RABGAP1L: variants seen among roughly 807,000 people sequenced by gnomAD.
RABGAP1L encodes rab GTPase-activating protein 1-like.
A neutral mutation model predicts 137.7 loss-of-function variants in RABGAP1L; 63 were observed. The observed-to-expected ratio is 0.46, with a 90% confidence interval of 0.37 to 0.56. The LOEUF (loss-of-function observed/expected upper bound fraction) is 0.56, where lower values mean the gene tolerates loss of function less well. RABGAP1L is among the 20% of genes least tolerant of loss of function. The pLI is 0.00. For synonymous variants in RABGAP1L, 431 were observed against 433.7 expected (o/e 0.99, Z 0.08); for missense variants, 1,095 against 1,244.0 (o/e 0.88, Z 1.80).
chr1:174,860,057 G>A (rs1176688938), intron 19 of RABGAP1L, among the ~76,000 whole-genome samples: 1 of 143,932 alleles, frequency 6.9e-6, no homozygotes, highest in Non-Finnish European at 1.5e-5. Context: ...ATGATTACAT[G>A]ATCACAATCC....
chr1:174,612,961 G>C (rs1375477997), intron 13 of RABGAP1L, among the ~76,000 whole-genome samples: 1 of 150,992 alleles, frequency 6.6e-6, no homozygotes, highest in Non-Finnish European at 1.5e-5. Context: ...TTCTTTATTA[G>C]TCTTGCTAGT....
chr1:174,433,072 A>G (rs1652835864), intron 13 of RABGAP1L, among the ~76,000 whole-genome samples: 1 of 152,204 alleles, frequency 6.6e-6, no homozygotes, highest in Non-Finnish European at 1.5e-5. Flanking sequence ...TTTAAGTTTT[A>G]GTTTTCATAA....
intron 13 of RABGAP1L, among the ~76,000 whole-genome samples, chr1:174,453,280 A>C (rs1655643574): frequency 6.6e-6 from 1 of 152,212 alleles, no homozygotes; most frequent in Non-Finnish European, 1.5e-5. Flanking sequence ...TCATTTATTA[A>C]AATGGGATTT....
At chr1:174,930,504 A>T (rs996835174) in intron 19 of RABGAP1L, among the ~76,000 whole-genome samples, 1 of 151,908 alleles carries the variant, frequency 6.6e-6, no homozygotes, top group Admixed American at 6.6e-5. Context: ...TTTTGTAGAG[A>T]TAGGGTTTCA....
intron 13 of RABGAP1L, among the ~76,000 whole-genome samples, chr1:174,523,771 C>G (rs1663629938): frequency 6.6e-6 from 1 of 152,110 alleles, no homozygotes; most frequent in Non-Finnish European, 1.5e-5. Context: ...TCATTGACCT[C>G]TCTTCATTTC....
chr1:174,661,603 T>G lies in RABGAP1L; in HGVS notation c.1825-21919T>G, dbSNP rs951093713. 3.3e-5 allele frequency among the ~76,000 whole-genome samples: 5 copies of G among 152,214 alleles called. No homozygotes were observed. The South Asian group carries it at 1.0e-3, about 32-fold the overall frequency. On this transcript the variant is annotated intron_variant, in intron 14 of 25. Transcript: ENST00000681986. ...ATTATAATCAATAGCAATTTCAGTT[T>G]TATTAATTAAAAATATTTTGTTATG...
chr1:174,788,051 C>T (rs1687588382), intron 18 of RABGAP1L, among the ~76,000 whole-genome samples: 2 of 152,332 alleles, frequency 1.3e-5, no homozygotes, highest in Non-Finnish European at 1.5e-5. Context: ...AAGAAGCTTA[C>T]TAGACCTTAC....
At chr1:174,520,462 A>T (rs1413320934) in intron 13 of RABGAP1L, among the ~76,000 whole-genome samples, 1 of 152,230 alleles carries the variant, frequency 6.6e-6, no homozygotes, top group Non-Finnish European at 1.5e-5. Flanking sequence ...CTATTTAACA[A>T]CATCAAATAT....
At chr1:174,708,699 A>C (rs1311656010) in intron 17 of RABGAP1L, among the ~76,000 whole-genome samples, 1 of 152,182 alleles carries the variant, frequency 6.6e-6, no homozygotes, top group Non-Finnish European at 1.5e-5. Context: ...CCTGAGTTTC[A>C]AGCATAAAAC....
intron 19 of RABGAP1L, among the ~76,000 whole-genome samples, chr1:174,917,299 A>G (rs1015875388): frequency 1.3e-4 from 20 of 152,198 alleles, no homozygotes; most frequent in Non-Finnish European, 2.4e-4. Context: ...TATGCTTCCA[A>G]TTACATCAGT....
intron 4 of RABGAP1L, among the ~76,000 whole-genome samples, chr1:174,241,151 C>T (rs1476077140): frequency 6.6e-6 from 1 of 152,032 alleles, no homozygotes; most frequent in Non-Finnish European, 1.5e-5. Context: ...AAAACCCTGT[C>T]TCTACAAGAA....
In RABGAP1L at chr1:174,993,923, T is replaced by C. The variant is rs1329261904; in HGVS notation, c.*3922T>C. Reference sequence around the variant, plus strand: ...CTATTAGGTTTGTATGTGTGTTTAATTGGAAGAATTTTATATAGAGTATCT... The same window carrying C: ...CTATTAGGTTTGTATGTGTGTTTAACTGGAAGAATTTTATATAGAGTATCT... On this transcript the variant is annotated 3_prime_UTR_variant, in exon 26 of 26. Coordinates refer to ENST00000681986, the MANE Select transcript of RABGAP1L (RefSeq NM_001366446.1). 1 of 152,234 alleles carries C rather than the reference T, an allele frequency of 6.6e-6. No homozygotes were observed. Among genetic ancestry groups the C allele is most frequent in the African/African-American group, 2.4e-5 (1 of 41,456 alleles). 9.4% of individuals were successfully genotyped at this position (152,234 alleles called of 1,614,324 possible). A position where few individuals can be genotyped will look rare whatever the true frequency, so the allele number is the denominator to read the frequency against.
At chr1:174,913,074 C>G (rs139599052) in intron 19 of RABGAP1L, among the ~76,000 whole-genome samples, 19 of 152,028 alleles carry the variant, frequency 1.2e-4, no homozygotes, top group African/African-American at 4.1e-4. Flanking sequence ...CTCCAAGGTT[C>G]AAGCAATTCT....
chr1:174,839,099 TG>T lies in RABGAP1L; in HGVS notation c.2340+27144del, dbSNP rs1335409347. Among the ~76,000 whole-genome samples the T allele has an allele frequency of 2.0e-5, 3 of 149,406 alleles. No homozygotes were observed. The East Asian group carries it at 5.9e-4, about 30-fold the overall frequency. On this transcript the variant is annotated intron_variant, in intron 19 of 25. Transcript: ENST00000681986. ...GATACATATATTTAAATTGTATCTG[TG>T]GGGGAAGAGGATGGTCAACAAATTG...
rs1168343205 is a variant in RABGAP1L at position 174,202,149 on chromosome 1, C to A, written c.-33-16976C>A. Among the ~76,000 whole-genome samples the A allele has an allele frequency of 4.6e-5, 7 of 151,974 alleles. No individual in the cohort carries two copies. The East Asian group carries it at 1.4e-3, about 29-fold the overall frequency. On this transcript the variant is annotated intron_variant, in intron 1 of 25. Transcript: ENST00000681986. ...TCTTTATAGCAGCATGATTTATAAT[C>A]CTTTGGGTATATACCCAGTAATGGG...
chr1:174,789,555 T>C (rs1031788361), intron 18 of RABGAP1L, among the ~76,000 whole-genome samples: 5 of 152,014 alleles, frequency 3.3e-5, no homozygotes, highest in Admixed American at 6.6e-5. Flanking sequence ...TAAGCTAAAT[T>C]TACTCAGCAT....
intron 19 of RABGAP1L, among the ~76,000 whole-genome samples, chr1:174,814,261 T>A (rs1280725110): frequency 1.3e-5 from 2 of 152,168 alleles, no homozygotes; most frequent in African/African-American, 4.8e-5. Flanking sequence ...TGAATATTTT[T>A]AAAGCTTTTA....
chr1:174,650,166 G>A (rs1297933034), intron 14 of RABGAP1L, among the ~76,000 whole-genome samples: 1 of 152,122 alleles, frequency 6.6e-6, no homozygotes, highest in Non-Finnish European at 1.5e-5. Context: ...AACCAGCCTT[G>A]CATCCCAGGG....
At chr1:174,380,949 C>A (rs988391812) in intron 12 of RABGAP1L, among the ~76,000 whole-genome samples, 1 of 123,252 alleles carries the variant, frequency 8.1e-6, no homozygotes, top group African/African-American at 3.2e-5. Flanking sequence ...TCCCTCTACA[C>A]ACTGCTTTGA....
Sources: gnomAD v4.1 joint callset for allele counts (sites outside exome capture counted in the v4.1 genomes callset) on GRCh38, gnomAD v4.1.1 for gene constraint, MANE v1.5 for transcripts, NCBI Gene and HGNC (gene_info 2026-07-23, HGNC 2026-07-21) for gene names.